SCN8A: variants seen among roughly 807,000 people sequenced by gnomAD.
SCN8A encodes sodium voltage-gated channel alpha subunit 8.
Under a neutral mutation model 184.1 loss-of-function variants are expected in SCN8A, and 30 were observed. That is an observed-to-expected ratio of 0.16 (90% CI 0.12 to 0.22). The LOEUF (loss-of-function observed/expected upper bound fraction) is 0.22, where lower values mean the gene tolerates loss of function less well. SCN8A is among the 10% of genes least tolerant of loss of function. SCN8A has a pLI of 1.00. For missense variants in SCN8A, 1,057 were observed against 2,498.9 expected, an observed-to-expected ratio of 0.42 and a Z score of 12.30; for synonymous variants, 852 against 907.0, an observed-to-expected ratio of 0.94 and a Z score of 1.09.
At chr12:51,783,954 A>G (rs770395315) in intron 21 of SCN8A, among the ~76,000 whole-genome samples, 1 of 152,244 alleles carries the variant, frequency 6.6e-6, no homozygotes, top group Non-Finnish European at 1.5e-5. Flanking sequence ...GCTTTGAGTG[A>G]TATTTCCATG....
intron 1 of SCN8A, 97 bp from the exon 2 acceptor site, chr12:51,662,666 CA>C: frequency 1.4e-6 from 1 of 735,414 alleles, no homozygotes; most frequent in Non-Finnish European, 2.2e-6. Context: ...GTTTTTTTTG[CA>C]AAGGTTGTGA....
chr12:51,789,579 T>G (rs1013495841), intron 24 of SCN8A, among the ~76,000 whole-genome samples, 161 bp downstream of exon 24: 1 of 152,164 alleles, frequency 6.6e-6, no homozygotes, highest in African/African-American at 2.4e-5. Context: ...CAACCCACTC[T>G]TTCTGTTCGG....
At chr12:51,712,753 C>T (rs1592398295) in intron 11 of SCN8A, 3 of 1,146,436 alleles carry the variant, frequency 2.6e-6, no homozygotes, top group East Asian at 4.7e-5. Context: ...GCCCCCTCTA[C>T]TACTATAACC....
chr12:51,686,762 G>GT (rs142597756), intron 4 of SCN8A, among the ~76,000 whole-genome samples: 2 of 151,982 alleles, frequency 1.3e-5, no homozygotes, highest in African/African-American at 4.8e-5. Context: ...AGGTTTCCCT[G>GT]TTTTTTGACT....
At chr12:51,748,156 C>T (rs1277547134) in intron 13 of SCN8A, among the ~76,000 whole-genome samples, 1 of 152,148 alleles carries the variant, frequency 6.6e-6, no homozygotes, top group Non-Finnish European at 1.5e-5. Context: ...ACCATTGGTC[C>T]CTCTGTATTT....
At chr12:51,649,402 A>G (rs1940660638) in intron 1 of SCN8A, among the ~76,000 whole-genome samples, 1 of 152,222 alleles carries the variant, frequency 6.6e-6, no homozygotes, top group Admixed American at 6.5e-5. Flanking sequence ...CTCCAACCCC[A>G]CATTTCCCCT....
intron 1 of SCN8A, among the ~76,000 whole-genome samples, chr12:51,638,068 A>G (rs1173754694): frequency 1.3e-5 from 2 of 152,202 alleles, no homozygotes; most frequent in Non-Finnish European, 2.9e-5. Flanking sequence ...TATAAATGGA[A>G]CAACAAGGCC....
intron 13 of SCN8A, among the ~76,000 whole-genome samples, chr12:51,747,081 CTGTGTGTATGTGTGTGTGTG>C (rs940485307): frequency 3.0e-4 from 27 of 90,636 alleles, no homozygotes; most frequent in Admixed American, 5.6e-4. Context: ...CACTTCTACT[CTGTGTGTATGTGTGTGTGTG>C]TGTGTGTGTG....
intron 3 of SCN8A, 147 bp downstream of exon 3, chr12:51,684,439 T>C (rs1592377856): frequency 4.6e-6 from 3 of 650,802 alleles, no homozygotes. Context: ...AAGAGTGAAC[T>C]CCTGCCACAT....
At chr12:51,671,807 G>A (rs1355571495) in intron 2 of SCN8A, among the ~76,000 whole-genome samples, 1 of 152,136 alleles carries the variant, frequency 6.6e-6, no homozygotes, top group Non-Finnish European at 1.5e-5. Context: ...GATCAGGATT[G>A]TCCCATCATA....
chr12:51,695,519 A>G (rs1941579083), intron 6 of SCN8A, among the ~76,000 whole-genome samples: 1 of 152,196 alleles, frequency 6.6e-6, no homozygotes, highest in South Asian at 2.1e-4. Flanking sequence ...GTAGCAGGAC[A>G]CAGGAATAAT....
chr12:51,777,209 C>T (rs1315634720), intron 20 of SCN8A, among the ~76,000 whole-genome samples: 1 of 152,134 alleles, frequency 6.6e-6, no homozygotes, highest in African/African-American at 2.4e-5. Flanking sequence ...TAATGTCTTT[C>T]CCCCTTTTTT....
intron 1 of SCN8A, among the ~76,000 whole-genome samples, chr12:51,615,303 C>G (rs1048557058): frequency 6.6e-6 from 1 of 152,116 alleles, no homozygotes; most frequent in Admixed American, 6.5e-5. Context: ...ACCTATAATC[C>G]AAACACTTTG....
intron 12 of SCN8A, among the ~76,000 whole-genome samples, chr12:51,743,656 C>T (rs749029786): frequency 1.3e-5 from 2 of 152,210 alleles, no homozygotes; most frequent in Non-Finnish European, 2.9e-5. Flanking sequence ...TCGCCCAAGG[C>T]CCGCTGTAAC....
Position 51,720,337 on chromosome 12 carries a change from G to C in SCN8A, c.1636-1209G>C, listed in dbSNP as rs561394784. On this transcript the variant is annotated intron_variant, in intron 11 of 26. Coordinates refer to ENST00000627620, the MANE Select transcript of SCN8A (RefSeq NM_001330260.2). ...GGATGAGGCTGGAAACCATCATTCT[G>C]AGCAAACTATCACAAGGACAGAAAA... Among the ~76,000 whole-genome samples the C allele has an allele frequency of 4.5e-3, 681 of 150,624 alleles. 4 individuals carry two copies. The highest frequency in any genetic ancestry group is 0.015 in the African/African-American group (622 of 40,876).
At chr12:51,618,486 C>CAA (rs1939892508) in intron 1 of SCN8A, among the ~76,000 whole-genome samples, 1 of 151,040 alleles carries the variant, frequency 6.6e-6, no homozygotes, top group African/African-American at 2.4e-5. Flanking sequence ...CACACACACA[C>CAA]ACACACACAC....
At chr12:51,779,057 A>G (rs1937806984) in intron 20 of SCN8A, among the ~76,000 whole-genome samples, 1 of 152,004 alleles carries the variant, frequency 6.6e-6, no homozygotes, top group Non-Finnish European at 1.5e-5. Context: ...CTCTACTAAA[A>G]ATACAAAATT....
At chr12:51,800,961 C>T (rs569836776) in intron 26 of SCN8A, among the ~76,000 whole-genome samples, 28 of 152,284 alleles carry the variant, frequency 1.8e-4, no homozygotes, top group African/African-American at 4.6e-4. Context: ...TGGGTCTGTA[C>T]GCTGGTTCAA....
intron 12 of SCN8A, among the ~76,000 whole-genome samples, chr12:51,727,202 T>C (rs1942168685): frequency 6.6e-6 from 1 of 152,074 alleles, no homozygotes; most frequent in African/African-American, 2.4e-5. Context: ...TTAAGAGAAA[T>C]GGAACAAACT....
Sources: gnomAD v4.1 joint callset for allele counts (sites outside exome capture counted in the v4.1 genomes callset) on GRCh38, gnomAD v4.1.1 for gene constraint, MANE v1.5 for transcripts, NCBI Gene and HGNC (gene_info 2026-07-23, HGNC 2026-07-21) for gene names.